The following NDST4 variants were observed in gnomAD, a reference collection of about 807,000 sequenced individuals.
The protein encoded by NDST4 is N-heparan sulfate sulfotransferase 4.
NDST4 carries 63 observed loss-of-function variants against 100.8 expected under a neutral mutation model. The ratio of observed to expected loss-of-function variants is 0.62; its 90% CI spans 0.51 to 0.77. The LOEUF (loss-of-function observed/expected upper bound fraction) is 0.77, where lower values mean the gene tolerates loss of function less well. Ranked by LOEUF, NDST4 falls within the 30% of genes least tolerant of loss-of-function variation. The probability of loss-of-function intolerance (pLI) is 0.00; values close to 1 mark genes in which losing one functional copy is unlikely to be tolerated. For missense variants in NDST4, 943 were observed against 1,018.4 expected (o/e 0.93, Z 1.01); for synonymous variants, 377 against 361.8 (o/e 1.04, Z -0.48).
intron 7 of NDST4, among the ~76,000 whole-genome samples, chr4:114,863,384 T>G (rs572167777): frequency 6.6e-6 from 1 of 152,260 alleles, no homozygotes; most frequent in Admixed American, 6.5e-5. Flanking sequence ...AGTTAAATTA[T>G]GTGCGTGTGT....
At chr4:115,033,001 A>G (rs1370593881) in intron 2 of NDST4, among the ~76,000 whole-genome samples, 2 of 151,542 alleles carry the variant, frequency 1.3e-5, no homozygotes, top group Non-Finnish European at 2.9e-5. Flanking sequence ...ATGTCTATTT[A>G]CCACTAATAT....
intron 7 of NDST4, among the ~76,000 whole-genome samples, chr4:114,863,249 A>G (rs1200834405): frequency 6.6e-6 from 1 of 152,236 alleles, no homozygotes; most frequent in Non-Finnish European, 1.5e-5. Context: ...CTGGCAAGAC[A>G]GATATTATTA....
chr4:115,051,900 C>A (rs1728592213), intron 2 of NDST4, among the ~76,000 whole-genome samples: 1 of 152,024 alleles, frequency 6.6e-6, no homozygotes, highest in African/African-American at 2.4e-5. Context: ...TTCTCACAAA[C>A]AAAATTTACA....
At chr4:115,005,652 G>A (rs1727396372) in intron 2 of NDST4, among the ~76,000 whole-genome samples, 1 of 152,152 alleles carries the variant, frequency 6.6e-6, no homozygotes, top group Non-Finnish European at 1.5e-5. Flanking sequence ...ACTAATCTTA[G>A]GTATGAATGG....
At chr4:115,103,560 C>T (rs997524775) in intron 1 of NDST4, among the ~76,000 whole-genome samples, 18 of 152,008 alleles carry the variant, frequency 1.2e-4, no homozygotes, top group Non-Finnish European at 1.8e-4. Flanking sequence ...GTTATGGTTT[C>T]CACCTTTTAT....
intron 1 of NDST4, among the ~76,000 whole-genome samples, chr4:115,095,341 A>G (rs1729599005): frequency 6.6e-6 from 1 of 152,164 alleles, no homozygotes; most frequent in Admixed American, 6.6e-5. Flanking sequence ...GTCAATCATC[A>G]GAAAAAGTAT....
At chr4:115,097,177 T>C (rs1729636601) in intron 1 of NDST4, among the ~76,000 whole-genome samples, 1 of 152,136 alleles carries the variant, frequency 6.6e-6, no homozygotes, top group Admixed American at 6.6e-5. Flanking sequence ...TCTTACAATG[T>C]TCTAGTTTTA....
chr4:114,963,078 C>A (rs1726298733), intron 4 of NDST4, among the ~76,000 whole-genome samples: 1 of 152,066 alleles, frequency 6.6e-6, no homozygotes, highest in Non-Finnish European at 1.5e-5. Context: ...GAAATAAAAA[C>A]ATATCTCCAC....
rs1205309661 is a variant in NDST4, at chr4:114,860,546, G to C, written c.1720-7725C>G. On this transcript the variant is annotated intron_variant, in intron 7 of 13. Coordinates refer to ENST00000264363, the MANE Select transcript of NDST4 (RefSeq NM_022569.3). ...ATTTCTCCTTTCCAACTTACCACCA[G>C]CTGTAAAATGGCTAGATTGCAGCAT... Among the ~76,000 whole-genome samples the C allele has an allele frequency of 6.6e-5, 10 of 152,192 alleles. No individual in the cohort carries two copies. The East Asian group carries it at 1.9e-3, about 29-fold the overall frequency.
chr4:114,986,832 A>ATTTTT (rs58065684), intron 2 of NDST4, among the ~76,000 whole-genome samples: 11 of 94,658 alleles, frequency 1.2e-4, no homozygotes, highest in African/African-American at 3.7e-4. Context: ...ATATATATAT[A>ATTTTT]TTTTAATATA....
intron 2 of NDST4, among the ~76,000 whole-genome samples, chr4:115,004,667 A>G (rs1372167120): frequency 6.6e-6 from 1 of 152,158 alleles, no homozygotes; most frequent in African/African-American, 2.4e-5. Context: ...TCACAGTACA[A>G]TTTGAACATA....
intron 6 of NDST4, among the ~76,000 whole-genome samples, chr4:114,914,630 T>C (rs2197075): frequency 0.29 from 43,679 of 152,026 alleles, 8,127 homozygotes; most frequent in African/African-American, 0.53. Flanking sequence ...TATTGTTTAG[T>C]AAGGTAATGA....
At chr4:115,080,821 AT>A (rs1729287275) in intron 1 of NDST4, among the ~76,000 whole-genome samples, 1 of 152,106 alleles carries the variant, frequency 6.6e-6, no homozygotes, top group Non-Finnish European at 1.5e-5. Flanking sequence ...ATTTAAACAA[AT>A]GTAAAATCAG....
At chr4:114,921,899 T>C (rs934484524) in intron 6 of NDST4, among the ~76,000 whole-genome samples, 1 of 151,866 alleles carries the variant, frequency 6.6e-6, no homozygotes, top group Admixed American at 6.5e-5. Flanking sequence ...TATCATTTTC[T>C]TCCTTTTCTC....
intron 4 of NDST4, among the ~76,000 whole-genome samples, chr4:114,968,188 T>G (rs1276512805): frequency 6.6e-6 from 1 of 152,230 alleles, no homozygotes; most frequent in Non-Finnish European, 1.5e-5. Context: ...GCTTAACAAC[T>G]GGGCATAACT....
Position 115,076,551 on chromosome 4 carries a change from G to T in NDST4, c.486C>A (p.Ile162=). The change falls in exon 2 of 14, where the codon ATC becomes ATA. Residue 162 remains isoleucine (I), a synonymous_variant. Coordinates refer to ENST00000264363, the MANE Select transcript of NDST4 (RefSeq NM_022569.3). The part of the protein sequence containing the change: ...KYCVEYSVSI[I]GFHKANENSL... ...TGTTCTCATTGGCTTTATGAAAACC[G>T]ATTATACTAACACTGTATTCCACAC... 1 of 1,613,900 alleles carries T rather than the reference G, an allele frequency of 6.2e-7. No homozygotes were observed. Among genetic ancestry groups the T allele is most frequent in the Non-Finnish European group, 8.5e-7 (1 of 1,179,922 alleles).
At chr4:114,874,141 A>G (rs1234189326) in intron 6 of NDST4, among the ~76,000 whole-genome samples, 1 of 152,168 alleles carries the variant, frequency 6.6e-6, no homozygotes, top group Non-Finnish European at 1.5e-5. Flanking sequence ...GAGAGTCTAA[A>G]GTCTGACAAA....
chr4:114,834,977 G>A (rs1723279492), intron 11 of NDST4, among the ~76,000 whole-genome samples: 1 of 152,064 alleles, frequency 6.6e-6, no homozygotes, highest in African/African-American at 2.4e-5. Flanking sequence ...ACTTTTGATT[G>A]TGTCTATTCG....
At chr4:114,915,894 A>G (rs1415750993) in intron 6 of NDST4, among the ~76,000 whole-genome samples, 1 of 152,092 alleles carries the variant, frequency 6.6e-6, no homozygotes, top group Non-Finnish European at 1.5e-5. Flanking sequence ...GTAAAAAGAA[A>G]GAAGGAAAAA....
Sources: allele counts gnomAD v4.1 joint callset (sites outside exome capture counted in the v4.1 genomes callset), GRCh38; gene constraint gnomAD v4.1.1; transcripts MANE v1.5; gene names NCBI Gene and HGNC (gene_info 2026-07-23, HGNC 2026-07-21).